Variants in ARHGEF33 observed in about 807,000 individuals in gnomAD.
ARHGEF33 encodes the protein Rho guanine nucleotide exchange factor 33, also known as DH and coiled-coil domain-containing protein ENSP00000381780.
A neutral mutation model predicts 101.9 loss-of-function variants in ARHGEF33; 72 were observed. The ratio of observed to expected loss-of-function variants is 0.71; its 90% CI spans 0.58 to 0.86. The LOEUF is 0.86. ARHGEF33 is among the 40% of genes least tolerant of loss of function. The pLI is 0.00. For missense variants in ARHGEF33, 1,169 were observed against 1,111.3 expected (o/e 1.05, Z -0.74); for synonymous variants, 499 against 442.5 (o/e 1.13, Z -1.60).
intron 11 of ARHGEF33, among the ~76,000 whole-genome samples, chr2:38,951,442 TTG>T (rs1225545864): frequency 1.3e-5 from 2 of 152,110 alleles, no homozygotes; most frequent in Non-Finnish European, 2.9e-5. Context: ...TGTGTATGTA[TTG>T]TGTGTGTGTT....
At chr2:38,964,423 T>G (rs967872308) in intron 16 of ARHGEF33, among the ~76,000 whole-genome samples, 2 of 151,932 alleles carry the variant, frequency 1.3e-5, no homozygotes, top group African/African-American at 4.8e-5. Context: ...AAGCAATTGA[T>G]TTATTATGGT....
At chr2:38,965,060 A>G (rs1668024069) in intron 16 of ARHGEF33, among the ~76,000 whole-genome samples, 1 of 152,116 alleles carries the variant, frequency 6.6e-6, no homozygotes. Context: ...AAAAAAAAAA[A>G]AATCCACCCT....
intron 9 of ARHGEF33, among the ~76,000 whole-genome samples, chr2:38,939,164 G>T (rs1048060088): frequency 6.6e-6 from 1 of 152,044 alleles, no homozygotes; most frequent in African/African-American, 2.4e-5. Context: ...GTAGAGACAG[G>T]GTTTTCACTG....
intron 17 of ARHGEF33, among the ~76,000 whole-genome samples, chr2:38,970,157 C>T (rs898432206): frequency 6.6e-6 from 1 of 152,184 alleles, no homozygotes; most frequent in Non-Finnish European, 1.5e-5. Flanking sequence ...TCCTCTTTAG[C>T]ACTTTAAAAT....
chr2:38,916,332 C>T (rs1666634057), intron 2 of ARHGEF33, among the ~76,000 whole-genome samples: 1 of 152,206 alleles, frequency 6.6e-6, no homozygotes, highest in Non-Finnish European at 1.5e-5. Flanking sequence ...CAGGCCACTT[C>T]TCTTCCCCTC....
At chr2:38,925,719 A>G (rs1360122437) in intron 4 of ARHGEF33, among the ~76,000 whole-genome samples, 1 of 152,222 alleles carries the variant, frequency 6.6e-6, no homozygotes, top group Non-Finnish European at 1.5e-5. Flanking sequence ...CCTTGCCATC[A>G]TGTATGTGCC....
intron 2 of ARHGEF33, among the ~76,000 whole-genome samples, chr2:38,905,714 G>A (rs1666372748): frequency 6.6e-6 from 1 of 152,178 alleles, no homozygotes; most frequent in Non-Finnish European, 1.5e-5. Flanking sequence ...TGCATTATCA[G>A]AAATCAAAAT....
At chr2:38,891,052 C>T (rs1360648043) in intron 1 of ARHGEF33, among the ~76,000 whole-genome samples, 6 of 151,386 alleles carry the variant, frequency 4.0e-5, no homozygotes, top group Admixed American at 3.9e-4. Flanking sequence ...CCCACCTCAG[C>T]CCCCACAGGT....
intron 2 of ARHGEF33, among the ~76,000 whole-genome samples, chr2:38,896,913 C>G (rs1666134425): frequency 6.6e-6 from 1 of 152,120 alleles, no homozygotes; most frequent in South Asian, 2.1e-4. Flanking sequence ...GCCCGGCATA[C>G]TTTTCTTTTT....
Position 38,943,911 on chromosome 2 carries a change from G to T in ARHGEF33, c.801G>T (p.Gln267His). The T allele has an allele frequency of 6.4e-7, 1 of 1,551,566 alleles. No individual in the cohort carries two copies. Among genetic ancestry groups the T allele is most frequent in the South Asian group, 1.2e-5 (1 of 83,820 alleles). ...GGTTTGTTTCTAAAGCTAAAAGACA[G>T]ACTGTGGCCCTGGAACTGCTTGAAT... ...LCETSLAAKR[Q>H]TVALELLESE... Residue 267 changes from glutamine to histidine, a missense_variant, in exon 10 of 18, where the codon CAG (glutamine) becomes CAT (histidine). Physicochemically the swap from Gln to His is conservative, Grantham distance 24. Coordinates refer to ENST00000409978, the MANE Select transcript of ARHGEF33 (RefSeq NM_001145451.5).
Position 38,971,803 on chromosome 2 carries a change from T to TA in ARHGEF33, c.2484-1904dup, listed in dbSNP as rs1323632233. The stretch of plus-strand genomic sequence containing the variant: ...AGGTACAATTTGTGAGAAGAGCAGT[T>TA]AAAAAAATTTAAGCTGAGTTTATGG... On this transcript the variant is annotated intron_variant, in intron 17 of 17. Transcript: ENST00000409978. 1.1e-5 allele frequency: 8 copies of TA among 718,042 alleles called. No individual in the cohort carries two copies. The African/African-American group carries it at 1.4e-4, about 13-fold the overall frequency. 44.5% of individuals were successfully genotyped at this position (718,042 alleles called of 1,614,324 possible).
intron 4 of ARHGEF33, among the ~76,000 whole-genome samples, chr2:38,925,793 G>C (rs1188886002): frequency 1.3e-5 from 2 of 152,088 alleles, no homozygotes; most frequent in African/African-American, 4.8e-5. Flanking sequence ...CCCAAACCTT[G>C]ACATTTATGA....
At chr2:38,968,673 A>G (rs966518762) in intron 17 of ARHGEF33, among the ~76,000 whole-genome samples, 1 of 152,178 alleles carries the variant, frequency 6.6e-6, no homozygotes, top group African/African-American at 2.4e-5. Context: ...TGCATCAATC[A>G]TGTTGCCACC....
intron 2 of ARHGEF33, among the ~76,000 whole-genome samples, chr2:38,918,865 AC>A (rs1340599415): frequency 2.7e-4 from 30 of 110,928 alleles, no homozygotes; most frequent in Non-Finnish European, 4.6e-4. Flanking sequence ...ACATAGGGAG[AC>A]CCCATCTCTA....
At position 38,919,451 on chromosome 2, in the gene ARHGEF33, G is replaced by A. The variant is rs1558427924; in HGVS notation, c.4G>A (p.Glu2Lys). Residue 2 changes from glutamate (E) to lysine (K), a missense_variant, in exon 3 of 18, where the codon GAA (glutamate) becomes AAA (lysine). Coordinates refer to ENST00000409978, the MANE Select transcript of ARHGEF33 (RefSeq NM_001145451.5). Reference sequence around the variant, plus strand: ...GAGAAGAGAAGTAACCGGCACTATGGAAAAAACCAAAACAAAGCAAGGTCA... The same window carrying A: ...GAGAAGAGAAGTAACCGGCACTATGAAAAAAACCAAAACAAAGCAAGGTCA... M[E>K]KTKTKQGENE... The A allele has an allele frequency of 1.3e-6, 2 of 1,551,824 alleles. No homozygotes were observed. Among genetic ancestry groups the A allele is most frequent in the Middle Eastern group, 1.7e-4 (1 of 5,992 alleles).
chr2:38,945,006 T>C (rs1369679090), intron 10 of ARHGEF33, among the ~76,000 whole-genome samples: 1 of 152,092 alleles, frequency 6.6e-6, no homozygotes, highest in Admixed American at 6.5e-5. Flanking sequence ...TTTCCCTCTC[T>C]GTTGAGAGAA....
chr2:38,894,039 C>A (rs1666066379), intron 1 of ARHGEF33, among the ~76,000 whole-genome samples: 1 of 152,168 alleles, frequency 6.6e-6, no homozygotes, highest in Non-Finnish European at 1.5e-5. Context: ...AAAAATCGTT[C>A]TTGCCAGGCT....
intron 4 of ARHGEF33, among the ~76,000 whole-genome samples, chr2:38,923,495 C>T (rs1361353726): frequency 6.6e-6 from 1 of 151,964 alleles, no homozygotes; most frequent in Non-Finnish European, 1.5e-5. Flanking sequence ...CTGACATTAT[C>T]GTATGTATCA....
chr2:38,917,828 CAA>C (rs537310536), intron 2 of ARHGEF33, among the ~76,000 whole-genome samples: 176 of 75,250 alleles, frequency 2.3e-3, no homozygotes, highest in African/African-American at 4.2e-3. Flanking sequence ...GACCTTGTCT[CAA>C]AAAAAAAAAA....
Sources: gnomAD v4.1 joint callset for allele counts (sites outside exome capture counted in the v4.1 genomes callset) on GRCh38, gnomAD v4.1.1 for gene constraint, MANE v1.5 for transcripts, NCBI Gene and HGNC (gene_info 2026-07-23, HGNC 2026-07-21) for gene names.